NFIX: variants seen among roughly 807,000 people sequenced by gnomAD.
NFIX encodes nuclear factor 1 X-type.
In NFIX, 2 loss-of-function variants were observed where a neutral mutation model predicts 53.3. The observed-to-expected ratio is 0.04, with a 90% CI of 0.02 to 0.12. The LOEUF (loss-of-function observed/expected upper bound fraction) is 0.12, where lower values mean the gene tolerates loss of function less well. Among genes scored for constraint, NFIX ranks in the 10% least tolerant of loss-of-function variants. The pLI, the probability that NFIX is intolerant of heterozygous loss-of-function variation, is 1.00. For missense variants in NFIX, 310 were observed against 674.5 expected (o/e 0.46, Z 5.99); for synonymous variants, 244 against 289.0 (o/e 0.84, Z 1.58).
At position 13,072,186 on chromosome 19, in the gene NFIX, C is replaced by T. The variant is rs193130904; in HGVS notation, c.560-861C>T. Among the ~76,000 whole-genome samples the T allele has an allele frequency of 4.6e-5, 7 of 152,334 alleles. No homozygotes were observed. In the East Asian group the frequency reaches 1.2e-3, roughly 25 times the overall value. ...CCCAGGCAGGCATTCTGGAGGTCCC[C>T]GTTGTGCCCCTGGCACACAAAGCTT... On this transcript the variant is annotated intron_variant, in intron 2 of 10. Transcript: ENST00000592199. The surrounding 1 kb of genome is among the most constrained non-coding windows in gnomAD (Gnocchi z 4.0).
chr19:13,044,952 C>T (rs1188078607), intron 2 of NFIX, among the ~76,000 whole-genome samples: 3 of 152,052 alleles, frequency 2.0e-5, no homozygotes, highest in African/African-American at 4.8e-5. Context: ...GGTCAGGTTC[C>T]GGGGGTGAGG....
chr19:13,090,304 G>A lies in NFIX; in HGVS notation c.1408G>A (p.Ala470Thr), dbSNP rs372257657. 38 of 1,613,804 alleles carry A rather than the reference G, an allele frequency of 2.4e-5. No individual in the cohort carries two copies. The African/African-American group carries it at 2.8e-4, about 12-fold the overall frequency. ...AALTPPSPSF[A>T]TTGASSANRF... ...CTCTCCCCTGCTCCCCACAGCATTC[G>A]CAACGACAGGCGCCTCCTCTGCCAA... is the stretch of plus-strand genomic sequence containing the variant. Residue 470 changes from alanine (A) to threonine (T), a missense_variant, in exon 10 of 11, where the codon GCA (alanine) becomes ACA (threonine). Physicochemically the swap from Ala to Thr is moderately conservative, Grantham distance 58. Around this residue, in one of 5 missense-constraint regions of NFIX, gnomAD observed 44 missense variants for 73.4 expected, o/e 0.60. Transcript: ENST00000592199. This position sits in a 1 kb window ranked among gnomAD's most constrained non-coding sequence, Gnocchi z 6.6.
intron 8 of NFIX, among the ~76,000 whole-genome samples, chr19:13,086,225 T>C (rs1320165434): frequency 1.3e-5 from 2 of 152,192 alleles, no homozygotes; most frequent in African/African-American, 2.4e-5. Context: ...CGTGGGGGCC[T>C]TGAATGCCCA....
rs1077151 is a variant in NFIX at position 13,040,294 on chromosome 19, A to G, written c.559+14742A>G. ...TTGGTCTCCTTGGCTGTCCCTGCTA[A>G]ATAGTCATCTTTGGGGACATCCTCC... On this transcript the variant is annotated intron_variant, in intron 2 of 10. Coordinates refer to ENST00000592199, the MANE Select transcript of NFIX (RefSeq NM_001365902.3). The surrounding 1 kb of genome is among the most constrained non-coding windows in gnomAD (Gnocchi z 4.2). 0.49 allele frequency among the ~76,000 whole-genome samples: 73,804 copies of G among 151,830 alleles called. 20,831 individuals are homozygous for G. The highest frequency in any genetic ancestry group is 0.77 in the African/African-American group (31,720 of 41,358).
At chr19:13,077,712 C>T (rs1442136857) in intron 6 of NFIX, among the ~76,000 whole-genome samples, 1 of 152,232 alleles carries the variant, frequency 6.6e-6, no homozygotes, top group Non-Finnish European at 1.5e-5. Flanking sequence ...CTACCTTATC[C>T]TTCCCAGCCT....
rs1050839401 is a variant in NFIX at position 13,022,987 on chromosome 19, G to A, written c.28-2034G>A. Reference sequence around the variant, plus strand: ...GGGGCTCTCCCCACCCTCCCTGCTCGCCCGGTTCCCTCCTCCCCTTGGACG... The same window carrying A: ...GGGGCTCTCCCCACCCTCCCTGCTCACCCGGTTCCCTCCTCCCCTTGGACG... On this transcript the variant is annotated intron_variant, in intron 1 of 10. Transcript: ENST00000592199. This position sits in a 1 kb window ranked among gnomAD's most constrained non-coding sequence, Gnocchi z 4.5. 3.3e-5 allele frequency among the ~76,000 whole-genome samples: 5 copies of A among 151,688 alleles called. No homozygotes were observed. The highest frequency in any genetic ancestry group is 5.9e-5 in the Non-Finnish European group (4 of 67,954).
intron 2 of NFIX, among the ~76,000 whole-genome samples, chr19:13,071,601 T>C (rs1192579255): frequency 6.6e-6 from 1 of 152,254 alleles, no homozygotes; most frequent in Non-Finnish European, 1.5e-5. Context: ...GCACTTTCCG[T>C]ATTAAAAAGA....
At chr19:13,017,844 C>T (rs1260674200) in intron 1 of NFIX, among the ~76,000 whole-genome samples, 1 of 152,222 alleles carries the variant, frequency 6.6e-6, no homozygotes, top group Non-Finnish European at 1.5e-5. Context: ...TGAAGCTGGC[C>T]TGTGCAGTTC....
chr19:13,039,994 G>T (rs2014505599), intron 2 of NFIX, among the ~76,000 whole-genome samples: 1 of 152,186 alleles, frequency 6.6e-6, no homozygotes, highest in African/African-American at 2.4e-5. Flanking sequence ...TGGGCATTAT[G>T]AGGGGAGAAT....
chr19:13,025,504 A>G lies in NFIX; in HGVS notation c.511A>G (p.Thr171Ala). ...LCVQPHHIGV[T>A]IKELDLYLAY... ...CGTCCAGCCACATCACATTGGAGTC[A>G]CAATCAAAGAACTGGATCTTTATCT... is the stretch of plus-strand genomic sequence containing the variant. Residue 171 changes from threonine (T) to alanine (A), a missense_variant, in exon 2 of 11, where the codon ACA (threonine) becomes GCA (alanine). By Grantham distance (58) the Thr-to-Ala change is moderately conservative. This residue lies in a region of NFIX where 164 missense variants were observed against 284.4 expected (regional missense o/e 0.58). Coordinates refer to ENST00000592199, the MANE Select transcript of NFIX (RefSeq NM_001365902.3). The surrounding 1 kb of genome is among the most constrained non-coding windows in gnomAD (Gnocchi z 7.5). 1 of 1,613,950 alleles carries G rather than the reference A, an allele frequency of 6.2e-7. No homozygotes were observed. Among genetic ancestry groups the G allele is most frequent in the Non-Finnish European group, 8.5e-7 (1 of 1,179,872 alleles).
chr19:13,015,112 T>C (rs2012585170), intron 1 of NFIX, among the ~76,000 whole-genome samples: 2 of 152,318 alleles, frequency 1.3e-5, no homozygotes, highest in South Asian at 4.1e-4. Flanking sequence ...TTTCATTACA[T>C]GTGTTTCCCT....
chr19:13,025,672 G>A lies in NFIX; in HGVS notation c.559+120G>A, dbSNP rs1471249323. 16 of 1,136,592 alleles carry A rather than the reference G, an allele frequency of 1.4e-5. No homozygotes were observed. The highest frequency in any genetic ancestry group is 9.5e-5 in the Admixed American group (4 of 41,926). 70.4% of individuals were successfully genotyped at this position (1,136,592 alleles called of 1,614,324 possible). ...CCATGGGCCTAACTGGTGTATGCCC[G>A]TCCTGCGGGGCCTGCAACACGGTTC... is the stretch of plus-strand genomic sequence containing the variant. On this transcript the variant is annotated intron_variant, in intron 2 of 10. Coordinates refer to ENST00000592199, the MANE Select transcript of NFIX (RefSeq NM_001365902.3). The surrounding 1 kb of genome is among the most constrained non-coding windows in gnomAD (Gnocchi z 7.5).
chr19:13,013,363 CG>C lies in NFIX; in HGVS notation c.28-11657del, dbSNP rs2012480431. On this transcript the variant is annotated intron_variant, in intron 1 of 10. Transcript: ENST00000592199. This position sits in a 1 kb window ranked among gnomAD's most constrained non-coding sequence, Gnocchi z 5.9. Reference sequence around the variant, plus strand: ...CAGCCCCCGAGCATTCAGAGAAAGCCGCCCGTCCCCAGTCCCCTCGGAAGCC... The same window carrying C: ...CAGCCCCCGAGCATTCAGAGAAAGCCCCCGTCCCCAGTCCCCTCGGAAGCC... Among the ~76,000 whole-genome samples, 1 of 152,198 alleles carries C rather than the reference CG, an allele frequency of 6.6e-6. No homozygotes were observed. The highest frequency in any genetic ancestry group is 6.5e-5 in the Admixed American group (1 of 15,286).
chr19:13,086,352 G>A (rs1451401904), intron 8 of NFIX, among the ~76,000 whole-genome samples: 3 of 152,226 alleles, frequency 2.0e-5, no homozygotes, highest in Admixed American at 2.0e-4. Flanking sequence ...CTGGTGGAAA[G>A]AATCCTAGCA....
At chr19:13,003,287 C>T (rs1001490151) in intron 1 of NFIX, among the ~76,000 whole-genome samples, 12 of 152,166 alleles carry the variant, frequency 7.9e-5, no homozygotes, top group Non-Finnish European at 1.3e-4. Context: ...CGGCCACACC[C>T]GAACACATCG....
At chr19:13,038,583 T>C (rs1309422491) in intron 2 of NFIX, among the ~76,000 whole-genome samples, 1 of 152,246 alleles carries the variant, frequency 6.6e-6, no homozygotes, top group African/African-American at 2.4e-5. Flanking sequence ...TCATGTCATT[T>C]ATAGAAGTTT....
rs1356974314 is a variant in NFIX, at chr19:13,002,475, G to T, written c.27+6611G>T. On this transcript the variant is annotated intron_variant, in intron 1 of 10. Transcript: ENST00000592199. This position sits in a 1 kb window ranked among gnomAD's most constrained non-coding sequence, Gnocchi z 6.1. Reference sequence around the variant, plus strand: ...CCCCTGAGTGGGCTTGGCCAGGGGGGCACAGGCCTGGCGGGTGAGGGAACA... The same window carrying T: ...CCCCTGAGTGGGCTTGGCCAGGGGGTCACAGGCCTGGCGGGTGAGGGAACA... Among the ~76,000 whole-genome samples, 1 of 152,102 alleles carries T rather than the reference G, an allele frequency of 6.6e-6. No individual in the cohort carries two copies. Among genetic ancestry groups the T allele is most frequent in the Admixed American group, 6.5e-5 (1 of 15,292 alleles).
intron 8 of NFIX, among the ~76,000 whole-genome samples, chr19:13,082,719 G>A (rs1305903016): frequency 6.6e-6 from 1 of 152,216 alleles, no homozygotes; most frequent in Non-Finnish European, 1.5e-5. Flanking sequence ...GAGGTTTCTA[G>A]ACCTCTGGGA....
intron 2 of NFIX, among the ~76,000 whole-genome samples, chr19:13,041,619 A>AC (rs1335462394): frequency 2.0e-5 from 3 of 151,880 alleles, no homozygotes; most frequent in African/African-American, 7.3e-5. Flanking sequence ...ACACGGTGAA[A>AC]CCCCGTCTCT....
Sources: gnomAD v4.1 joint callset for allele counts (sites outside exome capture counted in the v4.1 genomes callset) on GRCh38, gnomAD v4.1.1 for gene constraint, gnomAD v4.1.1 regional missense constraint, Gnocchi (gnomAD v3.1) non-coding constraint, MANE v1.5 for transcripts, NCBI Gene and HGNC (gene_info 2026-07-23, HGNC 2026-07-21) for gene names.